Variants in SHB observed in about 807,000 individuals in gnomAD.
SHB encodes SH2 domain-containing adapter protein B.
Under a neutral mutation model 52.3 loss-of-function variants are expected in SHB, and 20 were observed. The observed-to-expected ratio is 0.38, with a 90% confidence interval of 0.27 to 0.56. The LOEUF is 0.56. SHB is among the 20% of genes least tolerant of loss of function. The probability of loss-of-function intolerance (pLI) is 0.71; values close to 1 mark genes in which losing one functional copy is unlikely to be tolerated. For missense variants in SHB, 825 were observed against 723.3 expected, an observed-to-expected ratio of 1.14 and a Z score of -1.61; for synonymous variants, 397 against 316.5, an observed-to-expected ratio of 1.25 and a Z score of -2.70.
intron 4 of SHB, among the ~76,000 whole-genome samples, chr9:37,955,064 C>T (rs1182358039): frequency 1.3e-5 from 2 of 152,068 alleles, no homozygotes; most frequent in African/African-American, 4.8e-5. Context: ...AAAGGCCTCG[C>T]CCAACTCTAA....
chr9:38,037,308 A>G (rs920820009), intron 1 of SHB, among the ~76,000 whole-genome samples: 1 of 152,122 alleles, frequency 6.6e-6, no homozygotes, highest in African/African-American at 2.4e-5. Context: ...ACCTCCATAT[A>G]GGCCCATGGT....
In SHB at chr9:38,068,973, T is replaced by TACGCCCCTCGCCGTGGATC. The variant is rs1822019161; in HGVS notation, c.-347_-329dup. ...CTCCACGCCGCGGACCCTTTGGCCGTACGCCCCTCGCCGTGGATCGCGCTC... is the reference window on the plus strand; with the variant it reads ...CTCCACGCCGCGGACCCTTTGGCCGTACGCCCCTCGCCGTGGATCACGCCCCTCGCCGTGGATCGCGCTC... On this transcript the variant is annotated 5_prime_UTR_variant, in exon 1 of 6. Coordinates refer to ENST00000377707, the MANE Select transcript of SHB (RefSeq NM_003028.3). The TACGCCCCTCGCCGTGGATC allele has an allele frequency of 6.6e-6, 1 of 151,446 alleles. No individual in the cohort carries two copies. Among genetic ancestry groups the TACGCCCCTCGCCGTGGATC allele is most frequent in the Non-Finnish European group, 1.5e-5 (1 of 67,840 alleles). The allele number at this position is 151,446 out of a possible 1,614,324, so 9.4% of individuals were successfully genotyped here.
chr9:38,014,517 C>T (rs1457476611), intron 2 of SHB, among the ~76,000 whole-genome samples: 2 of 152,268 alleles, frequency 1.3e-5, no homozygotes, highest in Non-Finnish European at 2.9e-5. Flanking sequence ...CACTGGAGGA[C>T]AGCAGGCTGC....
At position 38,068,203 on chromosome 9, in the gene SHB, G is replaced by C. The variant is rs1564115488; in HGVS notation, c.443C>G (p.Ala148Gly). The change falls in exon 1 of 6, where the codon GCC becomes GGC. Residue 148 changes from alanine to glycine, a missense_variant. Ala to Gly is a moderately conservative substitution (Grantham distance 60, BLOSUM62 0). Transcript: ENST00000377707. ...GCCCASSGAG[A>G]AASSSSSSGS... ...GGAGGACGAGGACGAGGACGCGGCG[G>C]CCCCCGCGCCCGAGGAGGCGCAGCA... 1 of 1,397,926 alleles carries C rather than the reference G, an allele frequency of 7.2e-7. No homozygotes were observed. Among genetic ancestry groups the C allele is most frequent in the Non-Finnish European group, 9.2e-7 (1 of 1,089,094 alleles). The allele number at this position is 1,397,926 out of a possible 1,614,324, so 86.6% of individuals were successfully genotyped here. A position where few individuals can be genotyped will look rare whatever the true frequency, so the allele number is the denominator to read the frequency against.
chr9:38,048,084 A>G (rs1014930119), intron 1 of SHB, among the ~76,000 whole-genome samples: 1 of 152,248 alleles, frequency 6.6e-6, no homozygotes, highest in African/African-American at 2.4e-5. Context: ...TGGGAGGTGG[A>G]GAGCCTGTGC....
intron 2 of SHB, 106 bp downstream of exon 2, chr9:38,015,905 C>T (rs1821203714): frequency 1.5e-5 from 17 of 1,117,620 alleles, no homozygotes; most frequent in South Asian, 5.7e-5. Flanking sequence ...TGAAAGCACA[C>T]ACCATGCCCC....
intron 1 of SHB, among the ~76,000 whole-genome samples, chr9:38,034,993 G>A (rs756489797): frequency 3.9e-5 from 6 of 152,128 alleles, no homozygotes; most frequent in East Asian, 1.9e-4. Flanking sequence ...CACCCCATCC[G>A]GCCTGGGCCT....
rs113908966 is a variant in SHB at position 38,051,208 on chromosome 9, G to A, written c.717+16721C>T. ...CTGTAATCCCAGCACTTTGGAAGGCGAGGCGGGCAGATCACGAGGTCAGGA... is the reference window on the plus strand; with the variant it reads ...CTGTAATCCCAGCACTTTGGAAGGCAAGGCGGGCAGATCACGAGGTCAGGA... On this transcript the variant is annotated intron_variant, in intron 1 of 5. Transcript: ENST00000377707. Among the ~76,000 whole-genome samples, 89 of 152,182 alleles carry A rather than the reference G, an allele frequency of 5.8e-4. 2 individuals are homozygous for A. The highest frequency in any genetic ancestry group is 2.0e-3 in the African/African-American group (85 of 41,516).
chr9:37,974,604 A>T lies in SHB; in HGVS notation c.1054+18T>A, dbSNP rs372348032. ...GCAGCTCAGCAGCTGCCTCCTGAGC[A>T]GGGTCAGGGCTCCTTACCTGCCAGG... On this transcript the variant is annotated intron_variant, in intron 3 of 5. Coordinates refer to ENST00000377707, the MANE Select transcript of SHB (RefSeq NM_003028.3). 57 of 1,604,834 alleles carry T rather than the reference A, an allele frequency of 3.6e-5. No homozygotes were observed. The highest frequency in any genetic ancestry group is 4.7e-5 in the Non-Finnish European group (55 of 1,175,302).
intron 1 of SHB, among the ~76,000 whole-genome samples, chr9:38,047,680 C>T (rs1275969907): frequency 6.6e-6 from 1 of 152,230 alleles, no homozygotes; most frequent in Non-Finnish European, 1.5e-5. Flanking sequence ...AGATTTCTTC[C>T]AAAGAGGCAA....
intron 1 of SHB, among the ~76,000 whole-genome samples, chr9:38,031,048 A>G (rs977089641): frequency 6.6e-6 from 1 of 152,198 alleles, no homozygotes; most frequent in Non-Finnish European, 1.5e-5. Context: ...AGGGCTGGGC[A>G]TGGTGGCTCA....
chr9:37,945,733 A>C (rs926979608), intron 5 of SHB, among the ~76,000 whole-genome samples: 5 of 152,168 alleles, frequency 3.3e-5, no homozygotes, highest in African/African-American at 1.2e-4. Flanking sequence ...CTGCCTTCCC[A>C]GTCTCCCTCG....
intron 1 of SHB, among the ~76,000 whole-genome samples, chr9:38,067,056 G>A (rs1821978577): frequency 6.6e-6 from 1 of 152,212 alleles, no homozygotes; most frequent in African/African-American, 2.4e-5. Context: ...TGTGAAGGGG[G>A]AGGAGGGGAC....
chr9:38,011,233 A>C (rs1029667798), intron 2 of SHB, among the ~76,000 whole-genome samples: 6 of 152,206 alleles, frequency 3.9e-5, no homozygotes, highest in Non-Finnish European at 8.8e-5. Context: ...CCTCAACAGG[A>C]GGCTTGGCCT....
intron 5 of SHB, among the ~76,000 whole-genome samples, chr9:37,928,003 G>C (rs1587194292): frequency 6.7e-6 from 1 of 148,852 alleles, no homozygotes; most frequent in African/African-American, 2.5e-5. Context: ...ATGAAGGCCT[G>C]TGTGTCGGAA....
At chr9:38,029,912 C>T (rs1310631266) in intron 1 of SHB, among the ~76,000 whole-genome samples, 11 of 152,232 alleles carry the variant, frequency 7.2e-5, no homozygotes, top group Admixed American at 5.9e-4. Context: ...TCTGCCCCTG[C>T]ACCTAGATGT....
chr9:37,998,345 C>T (rs1820974785), intron 2 of SHB, among the ~76,000 whole-genome samples: 2 of 152,182 alleles, frequency 1.3e-5, no homozygotes, highest in African/African-American at 2.4e-5. Flanking sequence ...CTGCAGGCGC[C>T]CCAGAGACTC....
chr9:37,998,634 G>A (rs1820978064), intron 2 of SHB, among the ~76,000 whole-genome samples: 1 of 152,142 alleles, frequency 6.6e-6, no homozygotes. Context: ...TGAATTTTTA[G>A]TAGAGACGGG....
At chr9:38,038,415 T>C (rs995328774) in intron 1 of SHB, among the ~76,000 whole-genome samples, 11 of 152,094 alleles carry the variant, frequency 7.2e-5, no homozygotes, top group Non-Finnish European at 4.4e-5. Context: ...GGGAGTCATC[T>C]TACCATGATT....
Sources: gnomAD v4.1 joint callset for allele counts (sites outside exome capture counted in the v4.1 genomes callset) on GRCh38, gnomAD v4.1.1 for gene constraint, MANE v1.5 for transcripts, NCBI Gene and HGNC (gene_info 2026-07-23, HGNC 2026-07-21) for gene names.